The following RASSF3 variants were observed in gnomAD, a reference collection of about 807,000 sequenced individuals.
RASSF3 encodes ras association domain-containing protein 3.
Under a neutral mutation model 19.9 loss-of-function variants are expected in RASSF3, and 19 were observed. That is an observed-to-expected ratio of 0.96 (90% CI 0.67 to 1.40). RASSF3 has a LOEUF of 1.40. Among genes scored for constraint, RASSF3 ranks in the 40% most tolerant of loss-of-function variants. The pLI, the probability that RASSF3 is intolerant of heterozygous loss-of-function variation, is 0.00. For missense variants in RASSF3, 306 were observed against 289.8 expected (o/e 1.06, Z -0.41); for synonymous variants, 110 against 104.2 (o/e 1.06, Z -0.34).
At chr12:64,605,802 C>T (rs949192500), upstream of RASSF3, among the ~76,000 whole-genome samples, 5 of 149,442 alleles carry the variant, frequency 3.3e-5, no homozygotes, top group Non-Finnish European at 7.4e-5. Context: ...GCAGGAGAAT[C>T]GCTTGAACCC....
Position 64,610,703 on chromosome 12 carries a change from T to G in RASSF3, c.71T>G (p.Phe24Cys), listed in dbSNP as rs1208202858. 1 of 1,594,894 alleles carries G rather than the reference T, an allele frequency of 6.3e-7. No homozygotes were observed. The highest frequency in any genetic ancestry group is 8.5e-7 in the Non-Finnish European group (1 of 1,172,408). ...TTCTTCACCGCCAGGACCTCCTTCT[T>G]CAGGAGAGCGCCCCAGGGCAAGCCC... ...DFFFTARTSF[F>C]RRAPQGKPRS... is the part of the protein sequence containing the mutation. Residue 24 changes from phenylalanine to cysteine, a missense_variant, in exon 1 of 5, where the codon TTC becomes TGC. By Grantham distance (205) the Phe-to-Cys change is radical. Coordinates refer to ENST00000542104, the MANE Select transcript of RASSF3 (RefSeq NM_178169.4).
At chr12:64,537,078 A>C (rs1868843473) in intron 1 of RASSF3, among the ~76,000 whole-genome samples, 1 of 152,138 alleles carries the variant, frequency 6.6e-6, no homozygotes, top group Admixed American at 6.5e-5. Flanking sequence ...GTTTTCTTGA[A>C]GCCTTCTTGG....
At chr12:64,550,842 G>GA (rs1869148382) in intron 2 of RASSF3, among the ~76,000 whole-genome samples, 3 of 94,272 alleles carry the variant, frequency 3.2e-5, no homozygotes, top group South Asian at 3.7e-4. Flanking sequence ...AAGAAAGAAA[G>GA]AAAGGAAAAA....
chr12:64,542,188 T>G (rs1868944753), downstream of RASSF3, among the ~76,000 whole-genome samples: 1 of 152,106 alleles, frequency 6.6e-6, no homozygotes, highest in African/African-American at 2.4e-5. Flanking sequence ...TGGTGGCATG[T>G]GCCTGTGGTT....
chr12:64,508,731 A>G (rs1868307442), intron 1 of RASSF3, among the ~76,000 whole-genome samples: 2 of 151,958 alleles, frequency 1.3e-5, no homozygotes, highest in African/African-American at 2.4e-5. Flanking sequence ...CTAAAAATAC[A>G]AAATTAGCTG....
chr12:64,538,890 CA>C (rs1194189679), intron 1 of RASSF3, among the ~76,000 whole-genome samples: 1 of 151,696 alleles, frequency 6.6e-6, no homozygotes, highest in Non-Finnish European at 1.5e-5. Flanking sequence ...TAAAAAATAC[CA>C]AAAAATTAGC....
At chr12:64,529,719 C>G (rs991580577), upstream of RASSF3, among the ~76,000 whole-genome samples, 1 of 152,134 alleles carries the variant, frequency 6.6e-6, no homozygotes, top group South Asian at 2.1e-4. Context: ...ATTGGCCTAT[C>G]TATTGAGATA....
intron 1 of RASSF3, among the ~76,000 whole-genome samples, chr12:64,651,352 A>G (rs1871946402): frequency 6.6e-6 from 1 of 152,070 alleles, no homozygotes; most frequent in Non-Finnish European, 1.5e-5. Context: ...AAGGTTGCCC[A>G]CTTAATGTTT....
intron 2 of RASSF3, among the ~76,000 whole-genome samples, chr12:64,554,685 A>G (rs1001796811): frequency 1.3e-5 from 2 of 152,204 alleles, no homozygotes; most frequent in Admixed American, 6.5e-5. Context: ...TTTGCTCCCA[A>G]GGGGAACTAG....
At chr12:64,573,026 T>C (rs2136131043) in intron 2 of RASSF3, among the ~76,000 whole-genome samples, 1 of 152,346 alleles carries the variant, frequency 6.6e-6, no homozygotes, top group South Asian at 2.1e-4. Flanking sequence ...TGAACCACTG[T>C]ACCCAGCCCA....
intron 2 of RASSF3, among the ~76,000 whole-genome samples, chr12:64,563,157 A>T: frequency 6.7e-6 from 1 of 149,316 alleles, no homozygotes; most frequent in African/African-American, 2.5e-5. Context: ...TCTGTCTTTT[A>T]TTTATTTTTA....
downstream of RASSF3, among the ~76,000 whole-genome samples, chr12:64,543,472 CTG>C (rs1251007609): frequency 2.1e-5 from 2 of 93,602 alleles, no homozygotes; most frequent in Admixed American, 9.5e-5. Flanking sequence ...CCCCACCCGC[CTG>C]CCCACCCCCC....
upstream of RASSF3, among the ~76,000 whole-genome samples, chr12:64,608,845 G>A (rs1489465552): frequency 6.6e-6 from 1 of 152,146 alleles, no homozygotes; most frequent in Non-Finnish European, 1.5e-5. Flanking sequence ...TATGTGCATG[G>A]CACACACACG....
downstream of RASSF3, among the ~76,000 whole-genome samples, chr12:64,545,376 A>G (rs7302018): frequency 0.33 from 50,556 of 152,142 alleles, 10,370 homozygotes; most frequent in East Asian, 0.66. Context: ...TTGTTTTCTT[A>G]TATTGATTTT....
At chr12:64,600,567 GT>G (rs894481323) in intron 2 of RASSF3, among the ~76,000 whole-genome samples, 6 of 151,776 alleles carry the variant, frequency 4.0e-5, no homozygotes, top group African/African-American at 1.2e-4. Context: ...TTTGGATTTT[GT>G]TTTTTTTCTT....
intron 2 of RASSF3, among the ~76,000 whole-genome samples, chr12:64,598,411 G>A (rs1056907595): frequency 1.7e-4 from 26 of 152,200 alleles, no homozygotes; most frequent in Non-Finnish European, 2.1e-4. Context: ...GTCTTACCCA[G>A]TTTCCATGGT....
chr12:64,577,675 C>T (rs1036169741), intron 2 of RASSF3, among the ~76,000 whole-genome samples: 3 of 151,938 alleles, frequency 2.0e-5, no homozygotes, highest in South Asian at 2.1e-4. Flanking sequence ...GGGGTGGCAG[C>T]GAGCCAAGAT....
chr12:64,612,790 A>G (rs140791177), intron 1 of RASSF3, among the ~76,000 whole-genome samples: 164 of 152,176 alleles, frequency 1.1e-3, no homozygotes, highest in African/African-American at 3.6e-3. Flanking sequence ...TATTGTTTCT[A>G]TGTTGTATGC....
At chr12:64,613,860 A>G (rs1870457996) in intron 1 of RASSF3, among the ~76,000 whole-genome samples, 1 of 152,050 alleles carries the variant, frequency 6.6e-6, no homozygotes, top group South Asian at 2.1e-4. Flanking sequence ...AGGTGGGAGC[A>G]TTGCTTAAGG....
Sources: gnomAD v4.1 joint callset for allele counts (sites outside exome capture counted in the v4.1 genomes callset) on GRCh38, gnomAD v4.1.1 for gene constraint, MANE v1.5 for transcripts, NCBI Gene and HGNC (gene_info 2026-07-23, HGNC 2026-07-21) for gene names.